Variants in ADGRV1 observed in about 807,000 individuals in gnomAD.
The protein encoded by ADGRV1 is adhesion G protein-coupled receptor V1, also known as G-protein coupled receptor 98.
In ADGRV1, 359 loss-of-function variants were observed where a neutral mutation model predicts 596.2. The ratio of observed to expected loss-of-function variants is 0.60; its 90% CI spans 0.55 to 0.66. The LOEUF is 0.66. Ranked by LOEUF, ADGRV1 falls within the 30% of genes least tolerant of loss-of-function variation. ADGRV1 has a pLI of 0.00. For synonymous variants in ADGRV1, 2,681 were observed against 2,679.2 expected (o/e 1.00, Z -0.02); for missense variants, 7,274 against 7,575.6 (o/e 0.96, Z 1.48).
At chr5:90,604,285 C>A (rs1193423745) in intron 1 of ADGRV1, among the ~76,000 whole-genome samples, 6 of 152,158 alleles carry the variant, frequency 3.9e-5, no homozygotes, top group Middle Eastern at 3.4e-3. Context: ...ACATTAAATT[C>A]CCTCTTTTGC....
chr5:90,636,195 TTAG>T, intron 10 of ADGRV1, among the ~76,000 whole-genome samples: 1 of 147,652 alleles, frequency 6.8e-6, no homozygotes, highest in East Asian at 2.2e-4. Flanking sequence ...AATTTTTCTC[TTAG>T]GGATGGCTCT....
chr5:91,022,090 G>GA (rs1162974956), intron 85 of ADGRV1, among the ~76,000 whole-genome samples: 4 of 151,920 alleles, frequency 2.6e-5, no homozygotes, highest in Non-Finnish European at 5.9e-5. Context: ...TTTTGAAATT[G>GA]AAAAAACACA....
intron 85 of ADGRV1, among the ~76,000 whole-genome samples, chr5:91,022,385 A>C (rs538427400): frequency 6.6e-6 from 1 of 152,180 alleles, no homozygotes; most frequent in South Asian, 2.1e-4. Flanking sequence ...TGAGACCACT[A>C]AATTTATCAT....
chr5:90,721,571 T>TAAATAAAA lies in ADGRV1; in HGVS notation c.9748+515_9748+516insTAAAAAAA, dbSNP rs1554094692. Among the ~76,000 whole-genome samples, 241 of 135,092 alleles carry TAAATAAAA rather than the reference T, an allele frequency of 1.8e-3. 17 individuals carry two copies. The highest frequency in any genetic ancestry group is 6.5e-3 in the African/African-American group (234 of 35,886). The allele number at this position is 135,092 out of a possible 152,430, so 88.6% of individuals were successfully genotyped here. A position where few individuals can be genotyped will look rare whatever the true frequency, so the allele number is the denominator to read the frequency against. On this transcript the variant is annotated intron_variant, in intron 45 of 89. Transcript: ENST00000405460. ...TAAAATAAAATAAAATAAAATAAAA[T>TAAATAAAA]AAAATAAAATAAAATAAAATATGTA... is the stretch of plus-strand genomic sequence containing the variant.
At chr5:90,992,713 A>G (rs116364350) in intron 85 of ADGRV1, among the ~76,000 whole-genome samples, 2,083 of 152,322 alleles carry the variant, frequency 0.014, 55 homozygotes, top group African/African-American at 0.048. Flanking sequence ...AAGCAAAATA[A>G]TGTGATATTT....
intron 1 of ADGRV1, among the ~76,000 whole-genome samples, chr5:90,598,762 C>T (rs150918967): frequency 3.3e-4 from 50 of 152,302 alleles, no homozygotes; most frequent in Non-Finnish European, 6.9e-4. Flanking sequence ...TGCATGGCGT[C>T]TTGAGTAGGA....
chr5:90,927,364 A>G (rs914465747), intron 83 of ADGRV1, among the ~76,000 whole-genome samples: 3 of 151,960 alleles, frequency 2.0e-5, no homozygotes, highest in African/African-American at 7.3e-5. Context: ...CTTGTTGTTG[A>G]ATTGATCCCT....
intron 83 of ADGRV1, among the ~76,000 whole-genome samples, chr5:90,907,346 A>G (rs1485610658): frequency 2.6e-5 from 4 of 152,182 alleles, no homozygotes; most frequent in African/African-American, 4.8e-5. Flanking sequence ...AAATTAATAA[A>G]TATTATTTTT....
chr5:90,669,118 G>T (rs891057681), intron 21 of ADGRV1, among the ~76,000 whole-genome samples: 1 of 152,176 alleles, frequency 6.6e-6, no homozygotes, highest in Non-Finnish European at 1.5e-5. Flanking sequence ...GACTGTGAAT[G>T]CTTGATAAGT....
At chr5:90,636,085 A>G (rs1033293847) in intron 10 of ADGRV1, among the ~76,000 whole-genome samples, 4 of 151,966 alleles carry the variant, frequency 2.6e-5, no homozygotes, top group Admixed American at 6.6e-5. Flanking sequence ...TTTACTTTAT[A>G]TATACAATAT....
chr5:90,698,645 G>A (rs1265578540), intron 34 of ADGRV1, among the ~76,000 whole-genome samples: 2 of 152,134 alleles, frequency 1.3e-5, no homozygotes, highest in Non-Finnish European at 2.9e-5. Flanking sequence ...TCTGTTTCAG[G>A]TTAAAGATGG....
intron 59 of ADGRV1, among the ~76,000 whole-genome samples, chr5:90,765,416 GA>G (rs912300065): frequency 1.4e-4 from 20 of 145,668 alleles, no homozygotes; most frequent in Middle Eastern, 3.5e-3. Context: ...ATGATGGGGG[GA>G]AAAATCACAG....
chr5:90,691,465 A>G (rs893993335), intron 31 of ADGRV1, among the ~76,000 whole-genome samples: 2 of 150,792 alleles, frequency 1.3e-5, no homozygotes, highest in Admixed American at 6.6e-5. Flanking sequence ...GCTCACTGCA[A>G]CCTATGCTTC....
rs760967742 is a variant in ADGRV1, at chr5:90,728,695, C to T, written c.10188C>T (p.Phe3396=). The T allele has an allele frequency of 6.2e-6, 10 of 1,611,404 alleles. No homozygotes were observed. Among genetic ancestry groups the T allele is most frequent in the Middle Eastern group, 1.6e-4 (1 of 6,068 alleles). Residue 3396 remains phenylalanine (F), a synonymous_variant, in exon 49 of 90, where the codon TTC becomes TTT. Coordinates refer to ENST00000405460, the MANE Select transcript of ADGRV1 (RefSeq NM_032119.4). ...TQVFRWNGGS[F]VLHQKLPVRG... ...TCTTCAGGTGGAATGGAGGAAGCTT[C>T]GTGTTGCATCAAAAACTCCCTGTCC...
Position 90,675,236 on chromosome 5 carries a change from C to T in ADGRV1, c.5111-7C>T, listed in dbSNP as rs1278467837. On this transcript the variant is annotated splice_polypyrimidine_tract_variant and splice_region_variant and intron_variant, in intron 23 of 89. Coordinates refer to ENST00000405460, the MANE Select transcript of ADGRV1 (RefSeq NM_032119.4). ...GGACAATGCCCTGGCCCCTTTGTCT[C>T]CACTAGGCTTGCTGCAGTTCTCCAC... 6.2e-7 allele frequency: 1 copy of T among 1,611,856 alleles called. No individual in the cohort carries two copies. The highest frequency in any genetic ancestry group is 1.3e-5 in the African/African-American group (1 of 74,994).
chr5:90,583,606 C>A (rs1042534009), intron 1 of ADGRV1, among the ~76,000 whole-genome samples: 1 of 152,092 alleles, frequency 6.6e-6, no homozygotes, highest in African/African-American at 2.4e-5. Flanking sequence ...CCCATACTTG[C>A]ATTTTTTCAT....
chr5:90,730,006 C>T (rs1348914618), intron 50 of ADGRV1, among the ~76,000 whole-genome samples: 1 of 152,124 alleles, frequency 6.6e-6, no homozygotes, highest in Non-Finnish European at 1.5e-5. Context: ...GCTGGGACTA[C>T]AGGCGTCCGC....
intron 83 of ADGRV1, among the ~76,000 whole-genome samples, chr5:90,940,549 G>A (rs57954532): frequency 1.3e-5 from 2 of 152,062 alleles, no homozygotes; most frequent in Non-Finnish European, 2.9e-5. Context: ...GTGGTGTTTT[G>A]TACCAGGTAT....
intron 83 of ADGRV1, among the ~76,000 whole-genome samples, chr5:90,931,902 A>T (rs1036723207): frequency 1.3e-5 from 2 of 152,208 alleles, no homozygotes; most frequent in African/African-American, 4.8e-5. Context: ...ACTTAATTGA[A>T]TATTTAGTGG....
Sources: gnomAD v4.1 joint callset for allele counts (sites outside exome capture counted in the v4.1 genomes callset) on GRCh38, gnomAD v4.1.1 for gene constraint, MANE v1.5 for transcripts, NCBI Gene and HGNC (gene_info 2026-07-23, HGNC 2026-07-21) for gene names.